The following SORCS3 variants were observed in gnomAD, a reference collection of about 807,000 sequenced individuals.
SORCS3 encodes the protein VPS10 domain-containing receptor SorCS3.
SORCS3 carries 57 observed loss-of-function variants against 146.3 expected under a neutral mutation model. The ratio of observed to expected loss-of-function variants is 0.39; its 90% CI spans 0.31 to 0.49. The LOEUF is 0.49. Ranked by LOEUF, SORCS3 falls within the 20% of genes least tolerant of loss-of-function variation. The pLI, the probability that SORCS3 is intolerant of heterozygous loss-of-function variation, is 0.92. For missense variants in SORCS3, 1,341 were observed against 1,575.5 expected, an observed-to-expected ratio of 0.85 and a Z score of 2.52; for synonymous variants, 653 against 618.5, an observed-to-expected ratio of 1.06 and a Z score of -0.83.
chr10:104,965,560 T>G (rs1235242959), intron 3 of SORCS3, among the ~76,000 whole-genome samples: 2 of 152,226 alleles, frequency 1.3e-5, no homozygotes, highest in African/African-American at 2.4e-5. Flanking sequence ...TTCCAACTTT[T>G]CACATCCCTG....
At chr10:105,008,033 A>C (rs1206191432) in intron 4 of SORCS3, among the ~76,000 whole-genome samples, 2 of 152,236 alleles carry the variant, frequency 1.3e-5, no homozygotes, top group African/African-American at 4.8e-5. Flanking sequence ...GAACAAAGAA[A>C]TTGCTGGCCT....
At chr10:104,917,391 G>T (rs10786836) in intron 3 of SORCS3, among the ~76,000 whole-genome samples, 1 of 151,944 alleles carries the variant, frequency 6.6e-6, no homozygotes, top group African/African-American at 2.4e-5. Context: ...CATTGTATGT[G>T]TTTATATTGT....
At chr10:104,975,106 G>A (rs1450256824) in intron 3 of SORCS3, among the ~76,000 whole-genome samples, 1 of 152,138 alleles carries the variant, frequency 6.6e-6, no homozygotes, top group Non-Finnish European at 1.5e-5. Context: ...ATTAGGAAAA[G>A]AGGAAGTCAA....
In SORCS3 at chr10:104,965,439, G is replaced by A. The variant is rs368947509; in HGVS notation, c.796-11896G>A. 2.6e-5 allele frequency among the ~76,000 whole-genome samples: 4 copies of A among 152,294 alleles called. No individual in the cohort carries two copies. The East Asian group carries it at 5.8e-4, about 22-fold the overall frequency. ...TTTCACTTTTGGGTATTACCCAGAC[G>A]TGGAATAGCTGGATCATATGATAAT... On this transcript the variant is annotated intron_variant, in intron 3 of 26. Transcript: ENST00000369701.
intron 2 of SORCS3, among the ~76,000 whole-genome samples, chr10:104,860,119 C>T (rs1226414938): frequency 4.9e-5 from 6 of 123,550 alleles, no homozygotes; most frequent in African/African-American, 2.9e-5. Flanking sequence ...CACATGCACA[C>T]ATATGTTTAT....
At chr10:105,063,917 C>T (rs905486199) in intron 5 of SORCS3, among the ~76,000 whole-genome samples, 4 of 152,222 alleles carry the variant, frequency 2.6e-5, no homozygotes, top group Non-Finnish European at 5.9e-5. Context: ...TGCAGCCAGT[C>T]GCAGCTCTGC....
intron 4 of SORCS3, among the ~76,000 whole-genome samples, chr10:105,003,950 C>T (rs948191644): frequency 2.0e-5 from 3 of 151,008 alleles, no homozygotes; most frequent in African/African-American, 7.3e-5. Flanking sequence ...GGATGCCAAA[C>T]CTCCTTGTTT....
At chr10:104,991,176 G>A (rs961162707) in intron 4 of SORCS3, among the ~76,000 whole-genome samples, 4 of 151,858 alleles carry the variant, frequency 2.6e-5, no homozygotes, top group African/African-American at 9.7e-5. Context: ...TCTCCTTGCG[G>A]GTGGAAAAAA....
intron 1 of SORCS3, among the ~76,000 whole-genome samples, chr10:104,790,411 G>T (rs539437007): frequency 2.0e-5 from 3 of 151,974 alleles, no homozygotes; most frequent in African/African-American, 7.3e-5. Context: ...CCAGATGGTG[G>T]CAGAAAACCT....
At chr10:104,802,603 C>T (rs1365357144) in intron 1 of SORCS3, among the ~76,000 whole-genome samples, 2 of 152,192 alleles carry the variant, frequency 1.3e-5, no homozygotes, top group African/African-American at 4.8e-5. Context: ...CTCAGTTTCA[C>T]CACTGTGTGG....
At chr10:105,134,719 G>A (rs1473764982) in intron 7 of SORCS3, among the ~76,000 whole-genome samples, 3 of 152,098 alleles carry the variant, frequency 2.0e-5, no homozygotes, top group African/African-American at 4.8e-5. Flanking sequence ...TTTAGGAGAG[G>A]ACAGAAACAA....
intron 1 of SORCS3, 84 bp from the exon 2 acceptor site, chr10:104,842,708 T>C: frequency 9.6e-7 from 1 of 1,036,666 alleles, no homozygotes; most frequent in South Asian, 1.3e-5. Flanking sequence ...AGATGCATTA[T>C]ATATTGTTAC....
intron 1 of SORCS3, among the ~76,000 whole-genome samples, chr10:104,673,142 G>A (rs2015874742): frequency 6.6e-6 from 1 of 152,084 alleles, no homozygotes; most frequent in Non-Finnish European, 1.5e-5. Flanking sequence ...GTGTTTGCAT[G>A]TTTGGATCTA....
chr10:104,768,562 A>G (rs975152634), intron 1 of SORCS3, among the ~76,000 whole-genome samples: 4 of 152,224 alleles, frequency 2.6e-5, no homozygotes, highest in East Asian at 1.9e-4. Flanking sequence ...GTTTTCTTCA[A>G]TGGTGTGGTA....
intron 18 of SORCS3, among the ~76,000 whole-genome samples, chr10:105,215,447 T>C (rs1288215683): frequency 6.6e-6 from 1 of 152,186 alleles, no homozygotes; most frequent in Non-Finnish European, 1.5e-5. Flanking sequence ...TCAGAAACCT[T>C]TAAAAGTCAG....
chr10:105,183,011 G>C (rs535186399), intron 14 of SORCS3, among the ~76,000 whole-genome samples: 12 of 152,258 alleles, frequency 7.9e-5, no homozygotes, highest in South Asian at 4.1e-4. Context: ...GGCCAGTATG[G>C]GAAACATTTT....
intron 1 of SORCS3, among the ~76,000 whole-genome samples, chr10:104,728,286 T>C (rs2016665765): frequency 6.6e-6 from 1 of 152,198 alleles, no homozygotes. Flanking sequence ...ATTTTTAAGA[T>C]TCAGGGTGCT....
chr10:104,941,421 T>C (rs2019319375), intron 3 of SORCS3, among the ~76,000 whole-genome samples: 1 of 152,182 alleles, frequency 6.6e-6, no homozygotes, highest in African/African-American at 2.4e-5. Flanking sequence ...CATTTGGGAA[T>C]GGTCTTCACT....
intron 2 of SORCS3, among the ~76,000 whole-genome samples, chr10:104,865,792 C>T (rs2018453024): frequency 6.6e-6 from 1 of 152,208 alleles, no homozygotes; most frequent in African/African-American, 2.4e-5. Flanking sequence ...AAGCTGAGCA[C>T]AATGCATCTG....
Sources: gnomAD v4.1 joint callset for allele counts (sites outside exome capture counted in the v4.1 genomes callset) on GRCh38, gnomAD v4.1.1 for gene constraint, MANE v1.5 for transcripts, NCBI Gene and HGNC (gene_info 2026-07-23, HGNC 2026-07-21) for gene names.